The following DNAJB1 variants were observed in gnomAD, a reference collection of about 807,000 sequenced individuals.
The protein encoded by DNAJB1 is dnaJ homolog subfamily B member 1.
Under a neutral mutation model 24.0 loss-of-function variants are expected in DNAJB1, and 14 were observed. The ratio of observed to expected loss-of-function variants is 0.58; its 90% CI spans 0.39 to 0.91. The LOEUF is 0.91. Among genes scored for constraint, DNAJB1 ranks in the 40% least tolerant of loss-of-function variants. The pLI is 0.00. For missense variants in DNAJB1, 517 were observed against 458.1 expected, an observed-to-expected ratio of 1.13 and a Z score of -1.17; for synonymous variants, 262 against 174.4, an observed-to-expected ratio of 1.50 and a Z score of -3.96.
chr19:14,516,009 A>C lies in DNAJB1; in HGVS notation c.954T>G (p.Phe318Leu). Residue 318 changes from phenylalanine (F) to leucine (L), a missense_variant, in exon 3 of 3, where the codon TTT becomes TTG. Coordinates refer to ENST00000254322, the MANE Select transcript of DNAJB1 (RefSeq NM_006145.3). ...PEKRGDLIIEFEVIFPERIPQ... is the reference protein window; with the variant it reads ...PEKRGDLIIELEVIFPERIPQ... ...GAATCCTTTCGGGGAAGATCACTTC[A>C]AACTCAATAATGAGGTCCCCACGTT... The C allele has an allele frequency of 6.2e-7, 1 of 1,611,372 alleles. No individual in the cohort carries two copies. The highest frequency in any genetic ancestry group is 8.5e-7 in the Non-Finnish European group (1 of 1,179,220).
intron 1 of DNAJB1, among the ~76,000 whole-genome samples, chr19:14,537,717 C>T (rs991795150): frequency 1.3e-5 from 2 of 149,756 alleles, no homozygotes; most frequent in African/African-American, 2.5e-5. Context: ...TAGTAAATTA[C>T]GGTGAATATA....
chr19:14,554,705 C>T (rs1289991166), upstream of DNAJB1, among the ~76,000 whole-genome samples: 1 of 152,102 alleles, frequency 6.6e-6, no homozygotes, highest in Non-Finnish European at 1.5e-5. Context: ...CTCTCATCCC[C>T]ACACCCACTC....
At chr19:14,558,473 G>A (rs956157660) in intron 1 of DNAJB1, among the ~76,000 whole-genome samples, 4 of 152,164 alleles carry the variant, frequency 2.6e-5, no homozygotes, top group East Asian at 1.9e-4. Flanking sequence ...CCCTGACCTC[G>A]TGCTGCGACG....
intron 1 of DNAJB1, among the ~76,000 whole-genome samples, chr19:14,543,585 C>A (rs1182929233): frequency 1.4e-5 from 2 of 146,720 alleles, no homozygotes; most frequent in Non-Finnish European, 1.5e-5. Context: ...ACTACAGGCG[C>A]CCGCTACCAC....
chr19:14,516,497 A>G lies in DNAJB1; in HGVS notation c.761T>C (p.Val254Ala). Residue 254 changes from valine to alanine, a missense_variant, in exon 2 of 3, where the codon GTC (valine) becomes GCC (alanine). Transcript: ENST00000254322. ...GAGGCTGATCCTGGCAGGATAAATG[A>G]CATCAGAGCCATCTCTCTTAAAGAT... ...HNIFKRDGSD[V>A]IYPARISLRE... 5 of 1,613,484 alleles carry G rather than the reference A, an allele frequency of 3.1e-6. No homozygotes were observed. The Admixed American group carries it at 6.7e-5, about 22-fold the overall frequency.
At chr19:14,536,267 G>GTT (rs201416657) in intron 1 of DNAJB1, among the ~76,000 whole-genome samples, 18 of 138,032 alleles carry the variant, frequency 1.3e-4, no homozygotes, top group African/African-American at 2.7e-4. Flanking sequence ...TCTCGAGCTA[G>GTT]TTTTTTTTTT....
At position 14,525,029 on chromosome 19, in the gene DNAJB1, A is replaced by G. The variant is rs184995443; in HGVS notation, c.-90+2697T>C. Among the ~76,000 whole-genome samples, 657 of 152,102 alleles carry G rather than the reference A, an allele frequency of 4.3e-3. 15 individuals carry two copies. Among genetic ancestry groups the G allele is most frequent in the Admixed American group, 0.039 (602 of 15,258 alleles). On this transcript the variant is annotated intron_variant, in intron 2 of 3. Transcript: ENST00000396969. ...GGCGGGAGGATCACAAGGTCAAGAG[A>G]TGGAGACCATCCTGACCAACATGGT...
intron 1 of DNAJB1, among the ~76,000 whole-genome samples, chr19:14,539,106 T>G (rs935299002): frequency 6.7e-6 from 1 of 150,148 alleles, no homozygotes; most frequent in African/African-American, 2.5e-5. Flanking sequence ...CCTGAGTAGC[T>G]GGGACTACAG....
At chr19:14,518,854 G>A (rs527862415), upstream of DNAJB1, among the ~76,000 whole-genome samples, 9 of 152,352 alleles carry the variant, frequency 5.9e-5, no homozygotes, top group East Asian at 1.5e-3. Context: ...CCTGCGGTGG[G>A]CTCCCGCCCG....
chr19:14,547,574 A>T (rs1259848960), intron 1 of DNAJB1, among the ~76,000 whole-genome samples: 1 of 151,834 alleles, frequency 6.6e-6, no homozygotes, highest in African/African-American at 2.4e-5. Flanking sequence ...GTTAGCTAGG[A>T]TGGTCTCAAA....
upstream of DNAJB1, among the ~76,000 whole-genome samples, chr19:14,520,471 G>A (rs1003567213): frequency 6.6e-6 from 1 of 151,994 alleles, no homozygotes; most frequent in Non-Finnish European, 1.5e-5. Context: ...TAACTATCAG[G>A]AGCATCATGG....
intron 1 of DNAJB1, among the ~76,000 whole-genome samples, chr19:14,550,205 T>C (rs981360577): frequency 6.6e-6 from 1 of 152,038 alleles, no homozygotes; most frequent in Non-Finnish European, 1.5e-5. Context: ...TCAGTTTCCT[T>C]ACCTGCAAAA....
rs201720177 is a variant in DNAJB1 at position 14,547,832 on chromosome 19, GT to G, written c.-214+2375del. ...ATACCACCTACAGCCGGCTACTTTT[GT>G]TTTTTTTTGGTAGAAATGGGGTCTT... On this transcript the variant is annotated intron_variant, in intron 1 of 3. Coordinates refer to the DNAJB1 transcript ENST00000676982. Among the ~76,000 whole-genome samples, 421 of 148,590 alleles carry G rather than the reference GT, an allele frequency of 2.8e-3. 6 individuals are homozygous for G. Among genetic ancestry groups the G allele is most frequent in the Admixed American group, 0.026 (393 of 14,862 alleles).
intron 2 of DNAJB1, among the ~76,000 whole-genome samples, chr19:14,525,236 A>T (rs2072406311): frequency 6.6e-6 from 1 of 152,222 alleles, no homozygotes; most frequent in African/African-American, 2.4e-5. Context: ...CCATCTCAAA[A>T]ATAAAAATAA....
intron 1 of DNAJB1, among the ~76,000 whole-genome samples, chr19:14,538,037 CGCCG>C (rs1450334853): frequency 6.6e-6 from 1 of 152,118 alleles, no homozygotes; most frequent in Non-Finnish European, 1.5e-5. Flanking sequence ...TGAGCCACTG[CGCCG>C]GCAGTGTGAG....
chr19:14,522,683 G>GAC (rs56121204), upstream of DNAJB1, among the ~76,000 whole-genome samples: 4,668 of 117,762 alleles, frequency 0.04, 169 homozygotes, highest in East Asian at 0.21. Context: ...CACACACACA[G>GAC]ACACACACAC....
At chr19:14,535,431 C>T (rs534763670) in intron 1 of DNAJB1, among the ~76,000 whole-genome samples, 9 of 137,224 alleles carry the variant, frequency 6.6e-5, no homozygotes, top group Admixed American at 1.5e-4. Flanking sequence ...TGGCTTGACC[C>T]GGGAGGCGGA....
chr19:14,521,318 G>C (rs900459209), upstream of DNAJB1, among the ~76,000 whole-genome samples: 3 of 152,002 alleles, frequency 2.0e-5, no homozygotes, highest in Admixed American at 6.6e-5. Context: ...AATTAGTCGG[G>C]TGCGGTGGCA....
chr19:14,556,526 C>G (rs1368202356), intron 1 of DNAJB1, among the ~76,000 whole-genome samples: 2 of 152,276 alleles, frequency 1.3e-5, no homozygotes, highest in Non-Finnish European at 2.9e-5. Context: ...CCCCTGCTTG[C>G]CCAGCACGCA....
Sources: allele counts gnomAD v4.1 joint callset (sites outside exome capture counted in the v4.1 genomes callset), GRCh38; gene constraint gnomAD v4.1.1; transcripts MANE v1.5; gene names NCBI Gene and HGNC (gene_info 2026-07-23, HGNC 2026-07-21).